Variants in PCED1B observed in about 807,000 individuals in gnomAD.
PCED1B encodes PC-esterase domain containing 1B.
For missense variants in PCED1B, 573 were observed against 573.9 expected (o/e 1.00, Z 0.02); for synonymous variants, 251 against 246.1 (o/e 1.02, Z -0.19).
chr12:47,105,513 G>A (rs1254668295), intron 2 of PCED1B, among the ~76,000 whole-genome samples: 2 of 152,164 alleles, frequency 1.3e-5, no homozygotes, highest in East Asian at 3.9e-4. Context: ...GTAGAAATGG[G>A]CTTGATGGGA....
intron 2 of PCED1B, among the ~76,000 whole-genome samples, chr12:47,107,537 G>C (rs528674833): frequency 6.6e-6 from 1 of 152,354 alleles, no homozygotes; most frequent in African/African-American, 2.4e-5. Context: ...CGAAGTTAGA[G>C]CACTAGAAGG....
intron 2 of PCED1B, among the ~76,000 whole-genome samples, chr12:47,203,613 C>A (rs1430746480): frequency 2.6e-5 from 4 of 152,196 alleles, no homozygotes; most frequent in African/African-American, 9.7e-5. Context: ...TGGCTTCCAA[C>A]TCCATCTCTG....
At chr12:47,213,733 T>C (rs1388382369) in intron 2 of PCED1B, among the ~76,000 whole-genome samples, 1 of 152,180 alleles carries the variant, frequency 6.6e-6, no homozygotes, top group Non-Finnish European at 1.5e-5. Context: ...AAGCCAAGTT[T>C]GGTGGGTAAA....
intron 2 of PCED1B, among the ~76,000 whole-genome samples, chr12:47,107,928 C>A (rs1409380605): frequency 6.6e-6 from 1 of 152,070 alleles, no homozygotes; most frequent in East Asian, 1.9e-4. Flanking sequence ...TTAGGAGAGA[C>A]ATTTAAATTT....
At chr12:47,222,422 CAAAAAA>C (rs750444043) in intron 3 of PCED1B, among the ~76,000 whole-genome samples, 6 of 81,638 alleles carry the variant, frequency 7.3e-5, no homozygotes, top group South Asian at 4.8e-4. Context: ...AACTCCATCT[CAAAAAA>C]AAAAAAAAAA....
At chr12:47,159,585 C>CT (rs375256054) in intron 2 of PCED1B, among the ~76,000 whole-genome samples, 65 of 150,082 alleles carry the variant, frequency 4.3e-4, no homozygotes, top group South Asian at 1.1e-3. Flanking sequence ...ATAGGATTTT[C>CT]TTTTTTTTTA....
chr12:47,182,224 AAG>A (rs1401902435), intron 2 of PCED1B, among the ~76,000 whole-genome samples: 1 of 152,178 alleles, frequency 6.6e-6, no homozygotes, highest in Non-Finnish European at 1.5e-5. Flanking sequence ...TTAGATAAGA[AAG>A]AGAGAGGACC....
intron 1 of PCED1B, among the ~76,000 whole-genome samples, chr12:47,102,684 C>A (rs955165558): frequency 1.3e-5 from 2 of 151,950 alleles, no homozygotes; most frequent in Non-Finnish European, 2.9e-5. Context: ...GGGCCAGTTA[C>A]TTAATTGCTG....
intron 2 of PCED1B, among the ~76,000 whole-genome samples, chr12:47,166,807 C>A (rs1411028977): frequency 6.6e-6 from 1 of 151,818 alleles, no homozygotes; most frequent in Non-Finnish European, 1.5e-5. Flanking sequence ...TTTATTTACC[C>A]CTCTTAGGTT....
At chr12:47,155,340 G>C (rs962867570) in intron 2 of PCED1B, among the ~76,000 whole-genome samples, 3 of 152,128 alleles carry the variant, frequency 2.0e-5, no homozygotes, top group African/African-American at 7.2e-5. Flanking sequence ...AATTAAATAT[G>C]ACACATTGTA....
chr12:47,133,315 C>T (rs1437058308), intron 2 of PCED1B, among the ~76,000 whole-genome samples: 2 of 152,176 alleles, frequency 1.3e-5, no homozygotes, highest in African/African-American at 4.8e-5. Flanking sequence ...ATAATTCTGT[C>T]CCTATCCTAG....
At chr12:47,180,745 T>C (rs1422134853) in intron 2 of PCED1B, among the ~76,000 whole-genome samples, 2 of 151,712 alleles carry the variant, frequency 1.3e-5, no homozygotes, top group Non-Finnish European at 2.9e-5. Flanking sequence ...TTAAACAAAT[T>C]TATGAGAAAA....
chr12:47,233,576 A>T (rs1287800482), intron 3 of PCED1B, among the ~76,000 whole-genome samples: 1 of 152,206 alleles, frequency 6.6e-6, no homozygotes, highest in South Asian at 2.1e-4. Context: ...CTATTGTAGT[A>T]AGGTCTATTT....
chr12:47,234,146 G>A (rs1483326793), intron 3 of PCED1B, among the ~76,000 whole-genome samples: 1 of 152,028 alleles, frequency 6.6e-6, no homozygotes, highest in Non-Finnish European at 1.5e-5. Flanking sequence ...GCGCCACCAC[G>A]CCCGGCTAAT....
chr12:47,163,891 G>C (rs1299562860), intron 2 of PCED1B, among the ~76,000 whole-genome samples: 2 of 152,188 alleles, frequency 1.3e-5, no homozygotes, highest in Non-Finnish European at 2.9e-5. Flanking sequence ...GAGATCACAT[G>C]ATGAGGGAGG....
intron 2 of PCED1B, among the ~76,000 whole-genome samples, chr12:47,122,048 C>CTCTGAACT (rs1939701890): frequency 6.7e-6 from 1 of 149,702 alleles, no homozygotes; most frequent in South Asian, 2.1e-4. Flanking sequence ...AAAAAAGATG[C>CTCTGAACT]TCTGAACTTC....
At position 47,086,360 on chromosome 12, in the gene PCED1B, TAAAAAAA is replaced by T. The variant is rs3045485; in HGVS notation, c.-609+6652_-609+6658del. Among the ~76,000 whole-genome samples, 30 of 95,504 alleles carry T rather than the reference TAAAAAAA, an allele frequency of 3.1e-4. 1 individual carries two copies. The South Asian group carries it at 5.5e-3, about 17-fold the overall frequency. 62.7% of individuals were successfully genotyped at this position (95,504 alleles called of 152,430 possible). A position where few individuals can be genotyped will look rare whatever the true frequency, so the allele number is the denominator to read the frequency against. On this transcript the variant is annotated intron_variant, in intron 1 of 3. Coordinates refer to ENST00000546455, the MANE Select transcript of PCED1B (RefSeq NM_138371.3). ...AAAGTACTGTACTATGTGCTTATGG[TAAAAAAA>T]AAAAAAAAAAAAAAAAGGAAGTTAC...
At chr12:47,116,811 AG>A (rs1484249942) in intron 2 of PCED1B, among the ~76,000 whole-genome samples, 1 of 152,206 alleles carries the variant, frequency 6.6e-6, no homozygotes, top group African/African-American at 2.4e-5. Flanking sequence ...GAAAGGAAAA[AG>A]CTTTATATTT....
chr12:47,090,275 A>G (rs1231304682), intron 1 of PCED1B, among the ~76,000 whole-genome samples: 1 of 152,234 alleles, frequency 6.6e-6, no homozygotes, highest in African/African-American at 2.4e-5. Context: ...CTCATATCAG[A>G]AAGACATTAT....
Sources: gnomAD v4.1 joint callset for allele counts (sites outside exome capture counted in the v4.1 genomes callset) on GRCh38, gnomAD v4.1.1 for gene constraint, MANE v1.5 for transcripts, NCBI Gene and HGNC (gene_info 2026-07-23, HGNC 2026-07-21) for gene names.